The following MME variants were observed in gnomAD, a reference collection of about 807,000 sequenced individuals.
MME encodes membrane metalloendopeptidase, also known as neprilysin.
MME carries 98 observed loss-of-function variants against 113.2 expected under a neutral mutation model. The observed-to-expected ratio is 0.87, with a 90% CI of 0.74 to 1.02. MME has a LOEUF of 1.02. MME is among the 50% of genes least tolerant of loss of function. MME has a pLI of 0.00. For synonymous variants in MME, 292 were observed against 300.6 expected (o/e 0.97, Z 0.30); for missense variants, 836 against 896.0 (o/e 0.93, Z 0.86).
chr3:155,128,678 G>GT (rs756638243), intron 8 of MME, among the ~76,000 whole-genome samples: 35 of 151,422 alleles, frequency 2.3e-4, no homozygotes, highest in Middle Eastern at 3.4e-3. Context: ...CTTATTTAAT[G>GT]TCTTTTTTTT....
At chr3:155,057,498 A>G (rs943227057) in intron 1 of MME, among the ~76,000 whole-genome samples, 3 of 151,974 alleles carry the variant, frequency 2.0e-5, no homozygotes, top group African/African-American at 7.3e-5. Flanking sequence ...CTAGATCTCT[A>G]AACAGTTTTA....
intron 15 of MME, 40 bp downstream of exon 15, chr3:155,147,264 A>T (rs780576610): frequency 8.1e-7 from 1 of 1,237,074 alleles, no homozygotes; most frequent in Admixed American, 1.7e-5. Flanking sequence ...ACTGATACTT[A>T]GGGCTGGTAG....
chr3:155,114,956 A>C (rs768575034), intron 3 of MME, 38 bp from the exon 4 acceptor site: 2 of 1,608,622 alleles, frequency 1.2e-6, no homozygotes, highest in Non-Finnish European at 1.7e-6. Flanking sequence ...TAAGAAATAA[A>C]CCCATCATTT....
chr3:155,024,812 T>C (rs1262108261), intron 1 of MME, among the ~76,000 whole-genome samples: 4 of 152,146 alleles, frequency 2.6e-5, no homozygotes, highest in Non-Finnish European at 4.4e-5. Context: ...TAAAATTATA[T>C]ATGAATGCAG....
chr3:155,093,871 G>A (rs1237256430), intron 3 of MME, among the ~76,000 whole-genome samples: 1 of 144,172 alleles, frequency 6.9e-6, no homozygotes, highest in Non-Finnish European at 1.5e-5. Flanking sequence ...AAAAAAAAAA[G>A]ATTGAAAAAA....
Position 155,138,129 on chromosome 3 carries a change from A to T in MME, c.748A>T (p.Ile250Phe). Residue 250 changes from isoleucine to phenylalanine, a missense_variant, in exon 9 of 23, where the codon ATT becomes TTT. By Grantham distance (21) the Ile-to-Phe change is conservative. Coordinates refer to ENST00000360490, the MANE Select transcript of MME (RefSeq NM_007289.4). ...TTGTACAGCATATGTGGATTTTATGATTTCTGTGGCCAGATTGATTCGTCA... is the reference window on the plus strand; with the variant it reads ...TTGTACAGCATATGTGGATTTTATGTTTTCTGTGGCCAGATTGATTCGTCA... ...EACTAYVDFM[I>F]SVARLIRQEE... The T allele has an allele frequency of 1.2e-6, 2 of 1,613,766 alleles. No individual in the cohort carries two copies. The highest frequency in any genetic ancestry group is 1.7e-6 in the Non-Finnish European group (2 of 1,179,800).
At chr3:155,119,603 T>G (rs1718940735) in intron 8 of MME, among the ~76,000 whole-genome samples, 1 of 135,614 alleles carries the variant, frequency 7.4e-6, no homozygotes, top group Admixed American at 7.8e-5. Context: ...GAGTGTGATA[T>G]TCCCCTTCCT....
intron 10 of MME, among the ~76,000 whole-genome samples, chr3:155,140,963 A>G (rs1238812082): frequency 6.6e-6 from 1 of 152,220 alleles, no homozygotes; most frequent in Admixed American, 6.5e-5. Flanking sequence ...ACAAATAAAA[A>G]GAAAAGCTCT....
intron 3 of MME, among the ~76,000 whole-genome samples, chr3:155,103,099 G>A (rs17449556): frequency 0.14 from 21,911 of 152,054 alleles, 1,600 homozygotes; most frequent in African/African-American, 0.17. Context: ...CATCCTATAC[G>A]CTTTACCTAT....
upstream of MME, among the ~76,000 whole-genome samples, chr3:155,077,813 G>A (rs141398714): frequency 6.1e-3 from 923 of 151,982 alleles, 10 homozygotes; most frequent in African/African-American, 0.021. Flanking sequence ...CCATACTGTC[G>A]ACTATCAGCT....
At chr3:155,150,743 T>C (rs1721863127) in intron 16 of MME, among the ~76,000 whole-genome samples, 1 of 152,200 alleles carries the variant, frequency 6.6e-6, no homozygotes, top group Non-Finnish European at 1.5e-5. Flanking sequence ...GTTATTTCCC[T>C]TTTGTGTGAT....
upstream of MME, among the ~76,000 whole-genome samples, chr3:155,077,512 A>C (rs1363557039): frequency 1.3e-5 from 2 of 152,168 alleles, no homozygotes; most frequent in Non-Finnish European, 2.9e-5. Flanking sequence ...TTCTGGGAGG[A>C]GATTTAGCAT....
At chr3:155,125,360 G>A (rs1719549553) in intron 8 of MME, among the ~76,000 whole-genome samples, 1 of 146,668 alleles carries the variant, frequency 6.8e-6, no homozygotes. Context: ...AGATGGAAAT[G>A]CGGAAATCAC....
At chr3:155,153,699 CTT>C (rs1722115686) in intron 16 of MME, among the ~76,000 whole-genome samples, 1 of 152,118 alleles carries the variant, frequency 6.6e-6, no homozygotes, top group Admixed American at 6.6e-5. Flanking sequence ...CTGGAGTTAA[CTT>C]TTTATAAAGT....
chr3:155,097,244 C>T (rs1173500541), intron 3 of MME, among the ~76,000 whole-genome samples: 1 of 152,078 alleles, frequency 6.6e-6, no homozygotes, highest in African/African-American at 2.4e-5. Flanking sequence ...CGGGGGTCAT[C>T]AGCATGTGGA....
At chr3:155,176,586 G>A (rs183844535) in intron 22 of MME, among the ~76,000 whole-genome samples, 3 of 152,244 alleles carry the variant, frequency 2.0e-5, no homozygotes, top group Non-Finnish European at 2.9e-5. Context: ...AGCACTTTGG[G>A]AGGCCAAGGA....
intron 1 of MME, among the ~76,000 whole-genome samples, chr3:155,034,083 A>C (rs1017459714): frequency 3.2e-4 from 49 of 152,308 alleles, no homozygotes; most frequent in African/African-American, 1.2e-3. Flanking sequence ...CTACCTCCAA[A>C]GTCATTTCTA....
intron 1 of MME, among the ~76,000 whole-genome samples, chr3:155,034,756 G>A (rs1308267192): frequency 6.6e-6 from 1 of 152,192 alleles, no homozygotes; most frequent in Non-Finnish European, 1.5e-5. Context: ...ACTGGAAGAA[G>A]TTTAAAGAAC....
intron 3 of MME, among the ~76,000 whole-genome samples, chr3:155,110,027 A>G (rs567866050): frequency 1.6e-4 from 24 of 152,318 alleles, no homozygotes; most frequent in Admixed American, 2.6e-4. Context: ...CAAGCTGTAC[A>G]TTGTCCTGCC....
Sources: gnomAD v4.1 joint callset for allele counts (sites outside exome capture counted in the v4.1 genomes callset) on GRCh38, gnomAD v4.1.1 for gene constraint, MANE v1.5 for transcripts, NCBI Gene and HGNC (gene_info 2026-07-23, HGNC 2026-07-21) for gene names.